FHIP2A: variants seen among roughly 807,000 people sequenced by gnomAD.
FHIP2A encodes the protein FHF complex subunit HOOK interacting protein 2A.
Under a neutral mutation model 93.5 loss-of-function variants are expected in FHIP2A, and 46 were observed. The observed-to-expected ratio is 0.49, with a 90% CI of 0.39 to 0.63. FHIP2A has a LOEUF of 0.63. FHIP2A is among the 20% of genes least tolerant of loss of function. FHIP2A has a pLI of 0.00. For missense variants in FHIP2A, 769 were observed against 909.7 expected, an observed-to-expected ratio of 0.85 and a Z score of 1.99; for synonymous variants, 332 against 326.5, an observed-to-expected ratio of 1.02 and a Z score of -0.18.
intron 1 of FHIP2A, among the ~76,000 whole-genome samples, chr10:114,829,623 G>T (rs1005905953): frequency 5.9e-5 from 9 of 152,154 alleles, no homozygotes; most frequent in Non-Finnish European, 8.8e-5. Flanking sequence ...TATCGGACCT[G>T]TGACCTCCAG....
At chr10:114,825,502 A>G (rs949476430) in intron 1 of FHIP2A, among the ~76,000 whole-genome samples, 1 of 152,238 alleles carries the variant, frequency 6.6e-6, no homozygotes. Context: ...TGTTAAGCTG[A>G]TAGACTGCAT....
At chr10:114,845,316 G>GTA in intron 7 of FHIP2A, 51 bp from the exon 8 acceptor site, 1 of 1,006,292 alleles carries the variant, frequency 9.9e-7, no homozygotes, top group Non-Finnish European at 1.6e-6. Context: ...TCTGAATAGG[G>GTA]TCCATGCTTT....
downstream of FHIP2A, among the ~76,000 whole-genome samples, chr10:114,866,851 T>C (rs1421812478): frequency 6.6e-6 from 1 of 152,220 alleles, no homozygotes; most frequent in Non-Finnish European, 1.5e-5. Context: ...GTTATATATG[T>C]ATTATTCTTA....
chr10:114,836,299 T>G, intron 5 of FHIP2A, 53 bp downstream of exon 5: 1 of 1,370,104 alleles, frequency 7.3e-7, no homozygotes, highest in African/African-American at 1.4e-5. Flanking sequence ...AAGATCATTA[T>G]GAAAATTGAA....
intron 16 of FHIP2A, among the ~76,000 whole-genome samples, chr10:114,889,348 T>C (rs1223325076): frequency 1.3e-5 from 2 of 152,184 alleles, no homozygotes; most frequent in Non-Finnish European, 2.9e-5. Context: ...TTACAGCAAA[T>C]GCTATTTAAA....
intron 1 of FHIP2A, among the ~76,000 whole-genome samples, chr10:114,825,382 A>G (rs2083567293): frequency 6.6e-6 from 1 of 152,232 alleles, no homozygotes; most frequent in African/African-American, 2.4e-5. Context: ...GCTTAAACAT[A>G]GAGTTTATCT....
chr10:114,891,168 T>C (rs2083970972), intron 16 of FHIP2A, among the ~76,000 whole-genome samples: 1 of 150,674 alleles, frequency 6.6e-6, no homozygotes, highest in Admixed American at 6.6e-5. Context: ...CACTCTAGCA[T>C]GGGCAACAAC....
intron 16 of FHIP2A, among the ~76,000 whole-genome samples, chr10:114,877,971 A>C (rs897813781): frequency 6.6e-6 from 1 of 152,150 alleles, no homozygotes; most frequent in Non-Finnish European, 1.5e-5. Context: ...GAAAATCTAC[A>C]TTGGCTCCTT....
At chr10:114,830,421 C>T (rs908627821) in intron 1 of FHIP2A, among the ~76,000 whole-genome samples, 4 of 151,728 alleles carry the variant, frequency 2.6e-5, no homozygotes, top group African/African-American at 7.3e-5. Context: ...TACAGGCGCA[C>T]GGCACCACGC....
chr10:114,863,805 G>A lies in FHIP2A; in HGVS notation c.*2265G>A. The A allele has an allele frequency of 9.0e-7, 1 of 1,113,402 alleles. No homozygotes were observed. Among genetic ancestry groups the A allele is most frequent in the South Asian group, 2.1e-5 (1 of 47,210 alleles). The allele number at this position is 1,113,402 out of a possible 1,614,324, so 69.0% of individuals were successfully genotyped here. A position where few individuals can be genotyped will look rare whatever the true frequency, so the allele number is the denominator to read the frequency against. On this transcript the variant is annotated 3_prime_UTR_variant, in exon 17 of 17. Transcript: ENST00000369248. ...GTAACTAAAATGCACTATGCTGAGT[G>A]GAAAGCACCGTCATAACAATTGATT... is the stretch of plus-strand genomic sequence containing the variant.
chr10:114,882,308 G>T (rs1235108608), intron 16 of FHIP2A, among the ~76,000 whole-genome samples: 1 of 152,168 alleles, frequency 6.6e-6, no homozygotes, highest in African/African-American at 2.4e-5. Context: ...CTTGTGGCTG[G>T]AGAGCCCATG....
chr10:114,860,825 A>G lies in FHIP2A; in HGVS notation c.2024A>G (p.Tyr675Cys). 2.5e-6 allele frequency: 4 copies of G among 1,610,186 alleles called. No homozygotes were observed. The highest frequency in any genetic ancestry group is 3.4e-6 in the Non-Finnish European group (4 of 1,176,400). Reference sequence around the variant, plus strand: ...TTCCCTCATCCACACATCCACGAGTACCTTTTGGATCCTTACGTGAACCTC... The same window carrying G: ...TTCCCTCATCCACACATCCACGAGTGCCTTTTGGATCCTTACGTGAACCTC... Reference protein sequence around the residue: ...SLFPHPHIHEYLLDPYVNLAP... With the variant: ...SLFPHPHIHECLLDPYVNLAP... Residue 675 changes from tyrosine to cysteine, a missense_variant, in exon 15 of 17, where the codon TAC becomes TGC. Transcript: ENST00000369248.
chr10:114,896,324 C>G (rs935168050), intron 16 of FHIP2A, among the ~76,000 whole-genome samples: 1 of 152,152 alleles, frequency 6.6e-6, no homozygotes, highest in Non-Finnish European at 1.5e-5. Flanking sequence ...CCTTGACCAT[C>G]TGAGGTTCTG....
At chr10:114,831,189 T>A (rs2083605720) in intron 2 of FHIP2A, among the ~76,000 whole-genome samples, 1 of 152,060 alleles carries the variant, frequency 6.6e-6, no homozygotes, top group Admixed American at 6.6e-5. Flanking sequence ...CTCACAGAGT[T>A]TATGTATTGA....
intron 16 of FHIP2A, among the ~76,000 whole-genome samples, chr10:114,895,095 A>G (rs2083994561): frequency 6.6e-6 from 1 of 152,254 alleles, no homozygotes; most frequent in Admixed American, 6.5e-5. Context: ...GTGAATAGAC[A>G]GTAGGAGTGG....
intron 6 of FHIP2A, among the ~76,000 whole-genome samples, 164 bp downstream of exon 6, chr10:114,843,390 C>T (rs2083681182): frequency 6.6e-6 from 1 of 151,612 alleles, no homozygotes; most frequent in Non-Finnish European, 1.5e-5. Flanking sequence ...ACTGCAACCT[C>T]CGCCTCTGGG....
chr10:114,848,802 C>A, intron 13 of FHIP2A, 65 bp downstream of exon 13: 2 of 967,234 alleles, frequency 2.1e-6, no homozygotes, highest in Non-Finnish European at 3.3e-6. Context: ...CCCCTTGTCA[C>A]ACTGCCCACC....
chr10:114,827,599 C>T (rs2143009556), intron 1 of FHIP2A, among the ~76,000 whole-genome samples: 1 of 152,228 alleles, frequency 6.6e-6, no homozygotes, highest in South Asian at 2.1e-4. Flanking sequence ...AGATCGAGAC[C>T]ATCCTGGCTA....
At chr10:114,894,344 A>C (rs2083989822) in intron 16 of FHIP2A, among the ~76,000 whole-genome samples, 1 of 147,260 alleles carries the variant, frequency 6.8e-6, no homozygotes, top group African/African-American at 2.5e-5. Flanking sequence ...GGATTGCTTG[A>C]GCCCAGGAGT....
Sources: gnomAD v4.1 joint callset for allele counts (sites outside exome capture counted in the v4.1 genomes callset) on GRCh38, gnomAD v4.1.1 for gene constraint, MANE v1.5 for transcripts, NCBI Gene and HGNC (gene_info 2026-07-23, HGNC 2026-07-21) for gene names.